AIG1: variants seen among roughly 807,000 people sequenced by gnomAD.
The protein encoded by AIG1 is androgen-induced gene 1 protein.
In AIG1, 23 loss-of-function variants were observed where a neutral mutation model predicts 31.4. The ratio of observed to expected loss-of-function variants is 0.73; its 90% CI spans 0.53 to 1.04. The LOEUF (loss-of-function observed/expected upper bound fraction) is 1.04, where lower values mean the gene tolerates loss of function less well. Among genes scored for constraint, AIG1 ranks in the 50% least tolerant of loss-of-function variants. The pLI is 0.00. For synonymous variants in AIG1, 100 were observed against 110.5 expected (o/e 0.90, Z 0.60); for missense variants, 274 against 295.0 (o/e 0.93, Z 0.52).
intron 3 of AIG1, among the ~76,000 whole-genome samples, chr6:143,241,100 AAATC>A (rs1794205782): frequency 6.6e-6 from 1 of 152,192 alleles, no homozygotes; most frequent in South Asian, 2.1e-4. Flanking sequence ...TGAAAAAAAA[AAATC>A]AACAACAACA....
At chr6:143,313,518 T>G (rs1004247070) in intron 4 of AIG1, among the ~76,000 whole-genome samples, 1 of 152,042 alleles carries the variant, frequency 6.6e-6, no homozygotes, top group African/African-American at 2.4e-5. Flanking sequence ...GTTGAACTTA[T>G]GGAGATAGGT....
At chr6:143,136,552 C>T (rs1353378869) in intron 1 of AIG1, among the ~76,000 whole-genome samples, 1 of 152,052 alleles carries the variant, frequency 6.6e-6, no homozygotes, top group Non-Finnish European at 1.5e-5. Context: ...CTGGTTTGAT[C>T]GTTGATACTT....
intron 3 of AIG1, among the ~76,000 whole-genome samples, chr6:143,192,738 C>T (rs1789902780): frequency 6.6e-6 from 1 of 152,210 alleles, no homozygotes; most frequent in African/African-American, 2.4e-5. Flanking sequence ...AGTTTATAAT[C>T]TAGTGAAGGA....
At chr6:143,174,572 C>A (rs1310406263) in intron 3 of AIG1, among the ~76,000 whole-genome samples, 3 of 151,606 alleles carry the variant, frequency 2.0e-5, no homozygotes, top group African/African-American at 4.8e-5. Flanking sequence ...TACCCCTTTA[C>A]CTTAAGTTTA....
At chr6:143,249,664 G>A (rs552837699) in intron 3 of AIG1, among the ~76,000 whole-genome samples, 2 of 152,180 alleles carry the variant, frequency 1.3e-5, no homozygotes, top group African/African-American at 2.4e-5. Flanking sequence ...TGTTACAGAC[G>A]ACCCCTCTCC....
intron 3 of AIG1, among the ~76,000 whole-genome samples, chr6:143,274,707 G>A (rs1796771583): frequency 6.6e-6 from 1 of 151,986 alleles, no homozygotes; most frequent in Admixed American, 6.6e-5. Context: ...AACGAGCATG[G>A]GAAGCAGTGT....
chr6:143,260,363 T>G (rs9496546), intron 3 of AIG1, among the ~76,000 whole-genome samples: 7,495 of 152,286 alleles, frequency 0.049, 600 homozygotes, highest in African/African-American at 0.17. Context: ...CCCATCCAAC[T>G]TCTTCAGTTC....
Position 143,289,831 on chromosome 6 carries a change from T to G in AIG1, c.515+5606T>G, listed in dbSNP as rs192064248. 2.3e-3 allele frequency among the ~76,000 whole-genome samples: 354 copies of G among 152,284 alleles called. 2 individuals carry two copies. The highest frequency in any genetic ancestry group is 0.01 in the Middle Eastern group (3 of 294). ...ATTTTTAGCCATGAATGAGTAAAATTTTTAGGAAAAAATGTGTACCCTCTT... is the reference window on the plus strand; with the variant it reads ...ATTTTTAGCCATGAATGAGTAAAATGTTTAGGAAAAAATGTGTACCCTCTT... On this transcript the variant is annotated intron_variant, in intron 4 of 5. Transcript: ENST00000357847.
Position 143,253,456 on chromosome 6 carries a change from T to C in AIG1, c.400-30654T>C, listed in dbSNP as rs1210648842. 2.0e-5 allele frequency among the ~76,000 whole-genome samples: 3 copies of C among 152,346 alleles called. No homozygotes were observed. In the South Asian group the frequency reaches 6.2e-4, roughly 32 times the overall value. On this transcript the variant is annotated intron_variant, in intron 3 of 5. Transcript: ENST00000357847. ...TGAAAAATGGTTTCCAAATTTCAAG[T>C]TGGAGTCCTGGCACAAATGTTTCAG...
intron 1 of AIG1, among the ~76,000 whole-genome samples, chr6:143,086,129 C>T (rs1005373853): frequency 6.6e-6 from 1 of 152,140 alleles, no homozygotes; most frequent in Non-Finnish European, 1.5e-5. Context: ...AGATTGAATG[C>T]ATTTGGGCCA....
chr6:143,304,558 G>T (rs1222276268), intron 4 of AIG1, among the ~76,000 whole-genome samples: 1 of 152,144 alleles, frequency 6.6e-6, no homozygotes, highest in African/African-American at 2.4e-5. Flanking sequence ...AACCAGCCTT[G>T]CATCCCAGGG....
chr6:143,172,603 C>G (rs1168413618), intron 3 of AIG1, among the ~76,000 whole-genome samples: 1 of 152,120 alleles, frequency 6.6e-6, no homozygotes, highest in Non-Finnish European at 1.5e-5. Context: ...GGAGGATTCC[C>G]TCTTTCTCTA....
intron 1 of AIG1, among the ~76,000 whole-genome samples, chr6:143,108,032 C>A (rs1312614195): frequency 6.6e-6 from 1 of 152,178 alleles, no homozygotes; most frequent in African/African-American, 2.4e-5. Flanking sequence ...AACGTTTAGA[C>A]CTGTCAAAAT....
chr6:143,109,533 C>G (rs911367259), intron 1 of AIG1, among the ~76,000 whole-genome samples: 1 of 152,016 alleles, frequency 6.6e-6, no homozygotes, highest in Non-Finnish European at 1.5e-5. Context: ...GTAGTGTCAA[C>G]GTTTTTTTCT....
At chr6:143,142,780 A>G (rs1784352729) in intron 2 of AIG1, among the ~76,000 whole-genome samples, 2 of 152,172 alleles carry the variant, frequency 1.3e-5, no homozygotes, top group Admixed American at 6.5e-5. Context: ...CTATTCTAGA[A>G]TCCTTTAAAA....
intron 2 of AIG1, among the ~76,000 whole-genome samples, chr6:143,163,327 T>TA (rs1296865292): frequency 1.3e-5 from 2 of 152,240 alleles, no homozygotes; most frequent in African/African-American, 4.8e-5. Flanking sequence ...ATAAGTCATG[T>TA]AATTCATTGG....
At chr6:143,251,285 C>T (rs943031405) in intron 3 of AIG1, among the ~76,000 whole-genome samples, 1 of 152,164 alleles carries the variant, frequency 6.6e-6, no homozygotes, top group Non-Finnish European at 1.5e-5. Flanking sequence ...CTCCCGGCCT[C>T]AGGTGGTCCG....
rs907857585 is a variant in AIG1 at position 143,325,209 on chromosome 6, G to A, written c.516-8073G>A. 6.6e-6 allele frequency among the ~76,000 whole-genome samples: 1 copy of A among 152,116 alleles called. No individual in the cohort carries two copies. The highest frequency in any genetic ancestry group is 2.4e-5 in the African/African-American group (1 of 41,420). On this transcript the variant is annotated intron_variant, in intron 4 of 5. Coordinates refer to ENST00000357847, the MANE Select transcript of AIG1 (RefSeq NM_016108.4). This position sits in a 1 kb window ranked among gnomAD's most constrained non-coding sequence, Gnocchi z 4.3. Reference sequence around the variant, plus strand: ...TCACACTTTTCTATTTTGCTTCCCTGTTACTAGCCCATCTTTCTTGATCTC... The same window carrying A: ...TCACACTTTTCTATTTTGCTTCCCTATTACTAGCCCATCTTTCTTGATCTC...
intron 3 of AIG1, among the ~76,000 whole-genome samples, chr6:143,230,035 T>A (rs1012842999): frequency 6.6e-5 from 10 of 152,216 alleles, no homozygotes; most frequent in African/African-American, 2.4e-4. Flanking sequence ...ATATCTCATC[T>A]TCTTTCCATT....
Sources: allele counts gnomAD v4.1 joint callset (sites outside exome capture counted in the v4.1 genomes callset), GRCh38; gene constraint gnomAD v4.1.1; non-coding constraint Gnocchi (gnomAD v3.1); transcripts MANE v1.5; gene names NCBI Gene and HGNC (gene_info 2026-07-23, HGNC 2026-07-21).